Variants in MAN1A1 observed in about 807,000 individuals in gnomAD.
MAN1A1 encodes mannosyl-oligosaccharide 1,2-alpha-mannosidase IA.
A neutral mutation model predicts 70.8 loss-of-function variants in MAN1A1; 29 were observed. That is an observed-to-expected ratio of 0.41 (90% confidence interval 0.31 to 0.56). MAN1A1 has a LOEUF of 0.56. Ranked by LOEUF, MAN1A1 falls within the 20% of genes least tolerant of loss-of-function variation. The pLI is 0.29. For missense variants in MAN1A1, 747 were observed against 841.3 expected (o/e 0.89, Z 1.39); for synonymous variants, 349 against 330.1 (o/e 1.06, Z -0.62).
At chr6:119,204,736 C>A in intron 7 of MAN1A1, 23 bp downstream of exon 7, 1 of 1,613,488 alleles carries the variant, frequency 6.2e-7, no homozygotes, top group Non-Finnish European at 8.5e-7. Context: ...CTTTGCAGGC[C>A]AAGGCACATT....
chr6:119,345,623 T>C (rs908202138), intron 2 of MAN1A1, among the ~76,000 whole-genome samples: 3 of 152,234 alleles, frequency 2.0e-5, no homozygotes, highest in Non-Finnish European at 4.4e-5. Flanking sequence ...ACTGCAGTAC[T>C]AGTAACATAA....
intron 6 of MAN1A1, among the ~76,000 whole-genome samples, chr6:119,218,758 C>A (rs923745447): frequency 5.3e-5 from 8 of 152,154 alleles, no homozygotes; most frequent in Middle Eastern, 3.2e-3. Context: ...TGAATGCACC[C>A]CGCGCTGGGA....
intron 6 of MAN1A1, among the ~76,000 whole-genome samples, chr6:119,222,908 C>T (rs193176973): frequency 3.4e-4 from 51 of 152,178 alleles, no homozygotes; most frequent in African/African-American, 1.2e-3. Context: ...TTTGGTACTC[C>T]CATTTTGTTA....
At chr6:119,347,724 CAT>C (rs1472125449) in intron 2 of MAN1A1, among the ~76,000 whole-genome samples, 8 of 152,316 alleles carry the variant, frequency 5.3e-5, no homozygotes, top group African/African-American at 1.4e-4. Flanking sequence ...GACCTAATCA[CAT>C]GTTTCAAGTT....
At chr6:119,243,862 C>G (rs1038920918) in intron 6 of MAN1A1, among the ~76,000 whole-genome samples, 5 of 152,196 alleles carry the variant, frequency 3.3e-5, no homozygotes, top group African/African-American at 1.2e-4. Context: ...GAATGAAGAT[C>G]AGTCATTTCC....
intron 2 of MAN1A1, among the ~76,000 whole-genome samples, chr6:119,324,052 G>A (rs1773088184): frequency 6.6e-6 from 1 of 152,108 alleles, no homozygotes; most frequent in Non-Finnish European, 1.5e-5. Context: ...CACAGTAACA[G>A]CAAGTTTCCA....
At chr6:119,311,376 A>G (rs570721549) in intron 2 of MAN1A1, among the ~76,000 whole-genome samples, 1 of 152,310 alleles carries the variant, frequency 6.6e-6, no homozygotes, top group South Asian at 2.1e-4. Flanking sequence ...AAAAATATAC[A>G]CAACTATTTG....
chr6:119,218,139 T>C (rs1774259207), intron 6 of MAN1A1, among the ~76,000 whole-genome samples: 1 of 152,228 alleles, frequency 6.6e-6, no homozygotes, highest in Non-Finnish European at 1.5e-5. Context: ...ACTTGCCTTT[T>C]ATCCGTCCTA....
At chr6:119,342,360 C>T (rs1303905634) in intron 2 of MAN1A1, among the ~76,000 whole-genome samples, 7 of 152,100 alleles carry the variant, frequency 4.6e-5, no homozygotes, top group Admixed American at 3.9e-4. Context: ...GGCTTGATGG[C>T]TTTAGGTGGT....
At chr6:119,343,456 C>T (rs1296041506) in intron 2 of MAN1A1, among the ~76,000 whole-genome samples, 2 of 152,112 alleles carry the variant, frequency 1.3e-5, no homozygotes, top group Non-Finnish European at 2.9e-5. Context: ...CAATACCTTA[C>T]GACTCGGAGC....
At chr6:119,205,441 A>G (rs1180625044) in intron 6 of MAN1A1, among the ~76,000 whole-genome samples, 1 of 152,176 alleles carries the variant, frequency 6.6e-6, no homozygotes, top group African/African-American at 2.4e-5. Flanking sequence ...TTTTCTAAGC[A>G]TATTACCTAA....
intron 4 of MAN1A1, among the ~76,000 whole-genome samples, chr6:119,298,154 G>A (rs184992102): frequency 2.0e-5 from 3 of 152,248 alleles, no homozygotes; most frequent in African/African-American, 7.2e-5. Flanking sequence ...AGATTACTTT[G>A]AGTTAAAATT....
chr6:119,325,982 TTA>T (rs1265925705), intron 2 of MAN1A1, among the ~76,000 whole-genome samples: 3 of 152,204 alleles, frequency 2.0e-5, no homozygotes, highest in African/African-American at 4.8e-5. Context: ...GGGTAACAGT[TTA>T]TGTTTGTTGA....
intron 2 of MAN1A1, among the ~76,000 whole-genome samples, chr6:119,340,297 C>T (rs575951983): frequency 1.3e-5 from 2 of 152,076 alleles, no homozygotes; most frequent in African/African-American, 2.4e-5. Flanking sequence ...CATGTATTCC[C>T]GTGAAAGAGG....
chr6:119,230,391 T>C (rs1263930171), intron 6 of MAN1A1, among the ~76,000 whole-genome samples: 1 of 152,184 alleles, frequency 6.6e-6, no homozygotes, highest in Non-Finnish European at 1.5e-5. Context: ...CCACAGAGTC[T>C]GTCAGTGTTC....
At chr6:119,286,505 G>A (rs2114409423) in intron 5 of MAN1A1, among the ~76,000 whole-genome samples, 1 of 152,138 alleles carries the variant, frequency 6.6e-6, no homozygotes, top group East Asian at 1.9e-4. Context: ...ATTTCATACT[G>A]GTGTTTGCAG....
Position 119,349,099 on chromosome 6 carries a change from G to T in MAN1A1, c.-34C>A. 4 of 1,264,944 alleles carry T rather than the reference G, an allele frequency of 3.2e-6. No individual in the cohort carries two copies. Among genetic ancestry groups the T allele is most frequent in the South Asian group, 3.0e-5 (1 of 33,170 alleles). The allele number at this position is 1,264,944 out of a possible 1,614,324, so 78.4% of individuals were successfully genotyped here. A position where few individuals can be genotyped will look rare whatever the true frequency, so the allele number is the denominator to read the frequency against. ...CTGTCCAGTGGTCCGGCGCCGCGCC[G>T]CTCAGCAGCCAAACTTCGCCGCCGC... On this transcript the variant is annotated 5_prime_UTR_variant, in exon 2 of 13. Transcript: ENST00000368468.
chr6:119,242,251 G>A (rs556888944), intron 6 of MAN1A1, among the ~76,000 whole-genome samples: 44 of 152,086 alleles, frequency 2.9e-4, no homozygotes, highest in Middle Eastern at 3.4e-3. Context: ...AAACCTAATC[G>A]GCTGAACAGT....
intron 5 of MAN1A1, among the ~76,000 whole-genome samples, chr6:119,278,722 C>A (rs1776146846): frequency 6.6e-6 from 1 of 152,088 alleles, no homozygotes; most frequent in African/African-American, 2.4e-5. Flanking sequence ...GTGGATCCCT[C>A]ATGAATGGCT....
Sources: gnomAD v4.1 joint callset for allele counts (sites outside exome capture counted in the v4.1 genomes callset) on GRCh38, gnomAD v4.1.1 for gene constraint, MANE v1.5 for transcripts, NCBI Gene and HGNC (gene_info 2026-07-23, HGNC 2026-07-21) for gene names.